The following SAMMSON variants were observed in gnomAD, a reference collection of about 807,000 sequenced individuals.
The protein encoded by SAMMSON is long intergenic non-protein coding RNA 1212.
intron 4 of SAMMSON, among the ~76,000 whole-genome samples, chr3:70,082,697 G>A (rs1247226329): frequency 6.6e-6 from 1 of 152,096 alleles, no homozygotes; most frequent in African/African-American, 2.4e-5. Context: ...TGCATTCTTG[G>A]GTAGCCTTCT....
intron 4 of SAMMSON, among the ~76,000 whole-genome samples, chr3:70,089,235 C>A (rs2067297156): frequency 1.3e-5 from 2 of 152,024 alleles, no homozygotes; most frequent in South Asian, 2.1e-4. Flanking sequence ...CTAAAGTAAG[C>A]TAATACATAT....
intron 4 of SAMMSON, among the ~76,000 whole-genome samples, chr3:70,143,173 T>G (rs1205186396): frequency 6.6e-6 from 1 of 152,156 alleles, no homozygotes; most frequent in African/African-American, 2.4e-5. Flanking sequence ...AGTATAGTTC[T>G]TGTAACTATA....
chr3:70,172,646 G>A (rs1353680696), intron 4 of SAMMSON: 2 of 152,058 alleles, frequency 1.3e-5, no homozygotes, highest in African/African-American at 4.8e-5. Flanking sequence ...TGCAACAAAA[G>A]GGGAAGGGCT....
chr3:70,358,127 A>C (rs1702843795), intron 8 of SAMMSON: 1 of 152,162 alleles, frequency 6.6e-6, no homozygotes, highest in Admixed American at 6.6e-5. Flanking sequence ...AAGTATATTG[A>C]CTTATAATAC....
At chr3:70,429,122 C>T (rs1203584210) in intron 2 of SAMMSON, among the ~76,000 whole-genome samples, 1 of 151,818 alleles carries the variant, frequency 6.6e-6, no homozygotes, top group Admixed American at 6.6e-5. Context: ...GTCTTTAATC[C>T]ATCTTGAGTT....
At chr3:70,232,078 G>A (rs62254857) in intron 4 of SAMMSON, among the ~76,000 whole-genome samples, 27,116 of 152,070 alleles carry the variant, frequency 0.18, 2,730 homozygotes, top group Non-Finnish European at 0.23. Context: ...AATGAACTGG[G>A]AGATGTGCTT....
chr3:70,314,485 A>G (rs546062845), intron 7 of SAMMSON, among the ~76,000 whole-genome samples: 1 of 152,134 alleles, frequency 6.6e-6, no homozygotes, highest in African/African-American at 2.4e-5. Flanking sequence ...TAAACTTTAC[A>G]TATTAGTGGG....
At chr3:70,338,466 G>T (rs184097125) in intron 7 of SAMMSON, among the ~76,000 whole-genome samples, 1 of 151,970 alleles carries the variant, frequency 6.6e-6, no homozygotes, top group Admixed American at 6.6e-5. Context: ...CAAATTGTCC[G>T]TGTTTGCAGA....
chr3:70,111,038 A>G (rs952451351), intron 4 of SAMMSON, among the ~76,000 whole-genome samples: 1 of 152,202 alleles, frequency 6.6e-6, no homozygotes, highest in African/African-American at 2.4e-5. Flanking sequence ...AATGATGGGA[A>G]GGCCAAGTTA....
chr3:70,419,720 G>T (rs1221463626), intron 2 of SAMMSON, among the ~76,000 whole-genome samples: 1 of 152,110 alleles, frequency 6.6e-6, no homozygotes, highest in African/African-American at 2.4e-5. Context: ...CTCACTGCAA[G>T]CTCCGCCTCC....
At chr3:70,044,951 T>C (rs2067118619) in intron 3 of SAMMSON, among the ~76,000 whole-genome samples, 3 of 140,684 alleles carry the variant, frequency 2.1e-5, no homozygotes. Context: ...GGTAAAATAC[T>C]TTAATTATAT....
intron 9 of SAMMSON, among the ~76,000 whole-genome samples, chr3:70,362,725 A>G (rs1415479492): frequency 2.6e-5 from 4 of 151,788 alleles, no homozygotes; most frequent in Non-Finnish European, 5.9e-5. Context: ...TCTTACCTAC[A>G]TATTCTGTAT....
intron 2 of SAMMSON, chr3:70,424,701 T>A (rs1701341579): frequency 6.6e-6 from 1 of 152,246 alleles, no homozygotes; most frequent in Non-Finnish European, 1.5e-5. Context: ...TAGGTTCACC[T>A]TTAATCACTG....
intron 3 of SAMMSON, chr3:70,030,505 A>G (rs573082998): frequency 6.6e-6 from 1 of 152,318 alleles, no homozygotes; most frequent in African/African-American, 2.4e-5. Context: ...CACACATGCT[A>G]TTAGGTGATT....
intron 4 of SAMMSON, among the ~76,000 whole-genome samples, chr3:70,096,577 A>G (rs768515700): frequency 6.6e-5 from 10 of 152,104 alleles, no homozygotes; most frequent in African/African-American, 9.7e-5. Context: ...GACAAAAGTC[A>G]CATCTATGAC....
chr3:70,017,846 T>G (rs1463429507), intron 3 of SAMMSON, among the ~76,000 whole-genome samples: 2 of 152,160 alleles, frequency 1.3e-5, no homozygotes, highest in African/African-American at 4.8e-5. Flanking sequence ...GATAATCATG[T>G]GGTTTTTGTC....
chr3:70,248,268 A>G, intron 4 of SAMMSON, among the ~76,000 whole-genome samples: 1 of 152,144 alleles, frequency 6.6e-6, no homozygotes, highest in Non-Finnish European at 1.5e-5. Flanking sequence ...GTAGAATATT[A>G]TCAACTTTCT....
chr3:70,144,251 C>A (rs2067539269), intron 4 of SAMMSON, among the ~76,000 whole-genome samples: 2 of 151,982 alleles, frequency 1.3e-5, no homozygotes, highest in South Asian at 2.1e-4. Context: ...GGCAAATTGG[C>A]CTTTCCATTA....
intron 3 of SAMMSON, among the ~76,000 whole-genome samples, chr3:70,031,388 A>G (rs2067065649): frequency 6.6e-6 from 1 of 152,004 alleles, no homozygotes. Flanking sequence ...TTTGGGGGAG[A>G]TAGGGGGTAT....
Sources: gnomAD v4.1 joint callset for allele counts (sites outside exome capture counted in the v4.1 genomes callset) on GRCh38, gnomAD v4.1.1 for gene constraint, MANE v1.5 for transcripts, NCBI Gene and HGNC (gene_info 2026-07-23, HGNC 2026-07-21) for gene names.